LARGE1: variants seen among roughly 807,000 people sequenced by gnomAD.
LARGE1 encodes the protein xylosyl- and glucuronyltransferase LARGE1.
Under a neutral mutation model 87.6 loss-of-function variants are expected in LARGE1, and 43 were observed. That is an observed-to-expected ratio of 0.49 (90% confidence interval 0.38 to 0.63). The LOEUF is 0.63. Ranked by LOEUF, LARGE1 falls within the 30% of genes least tolerant of loss-of-function variation. LARGE1 has a pLI of 0.00. For synonymous variants in LARGE1, 434 were observed against 394.6 expected, an observed-to-expected ratio of 1.10 and a Z score of -1.18; for missense variants, 802 against 1,000.2, an observed-to-expected ratio of 0.80 and a Z score of 2.67.
At chr22:33,428,046 C>T (rs955302193) in intron 7 of LARGE1, among the ~76,000 whole-genome samples, 2 of 152,164 alleles carry the variant, frequency 1.3e-5, no homozygotes, top group Admixed American at 6.5e-5. Flanking sequence ...GGAAAAACTG[C>T]TAGGTAGCTG....
At chr22:33,840,541 T>C (rs1420675083) in intron 1 of LARGE1, among the ~76,000 whole-genome samples, 1 of 152,186 alleles carries the variant, frequency 6.6e-6, no homozygotes, top group Non-Finnish European at 1.5e-5. Context: ...CATCTTTTCT[T>C]GCAAATATCT....
At chr22:33,442,941 C>T (rs760095059) in intron 6 of LARGE1, among the ~76,000 whole-genome samples, 3 of 152,024 alleles carry the variant, frequency 2.0e-5, no homozygotes, top group Non-Finnish European at 2.9e-5. Context: ...TACAGGCGCC[C>T]GCACCACATC....
chr22:33,908,997 T>C (rs1210546198), intron 1 of LARGE1, among the ~76,000 whole-genome samples: 1 of 152,138 alleles, frequency 6.6e-6, no homozygotes, highest in African/African-American at 2.4e-5. Context: ...TTATACCCCT[T>C]ATTGGGTGCC....
intron 1 of LARGE1, among the ~76,000 whole-genome samples, chr22:33,876,463 AC>A (rs2064470016): frequency 6.6e-6 from 1 of 152,050 alleles, no homozygotes; most frequent in South Asian, 2.1e-4. Context: ...GTGAAAATTC[AC>A]CAAGCTGCAC....
At chr22:33,299,009 G>C (rs1310219674) in intron 12 of LARGE1, among the ~76,000 whole-genome samples, 1 of 152,050 alleles carries the variant, frequency 6.6e-6, no homozygotes, top group African/African-American at 2.4e-5. Flanking sequence ...AGGAGTTCAA[G>C]ACCAGCCTGG....
At chr22:33,419,705 T>A (rs1730202063) in intron 7 of LARGE1, among the ~76,000 whole-genome samples, 1 of 152,134 alleles carries the variant, frequency 6.6e-6, no homozygotes, top group Non-Finnish European at 1.5e-5. Context: ...TGTTTGTTTG[T>A]TTTGAGATGG....
At chr22:33,918,149 GA>G (rs1263478362) in intron 1 of LARGE1, among the ~76,000 whole-genome samples, 3 of 152,056 alleles carry the variant, frequency 2.0e-5, no homozygotes, top group African/African-American at 7.2e-5. Flanking sequence ...ATGATGAGAT[GA>G]AAAAAACCTT....
At chr22:33,525,312 G>A (rs920948934) in intron 6 of LARGE1, among the ~76,000 whole-genome samples, 28 of 152,098 alleles carry the variant, frequency 1.8e-4, no homozygotes, top group Non-Finnish European at 3.8e-4. Context: ...ACCACCCCAG[G>A]CCCATAGTAC....
At chr22:33,382,341 C>T (rs186569878) in intron 8 of LARGE1, among the ~76,000 whole-genome samples, 17 of 152,240 alleles carry the variant, frequency 1.1e-4, no homozygotes, top group Admixed American at 1.0e-3. Flanking sequence ...TCTTCCCTAC[C>T]CTCACTGGCA....
intron 1 of LARGE1, among the ~76,000 whole-genome samples, chr22:33,774,462 T>G (rs1446308161): frequency 6.6e-6 from 1 of 152,112 alleles, no homozygotes; most frequent in Non-Finnish European, 1.5e-5. Flanking sequence ...GTTGAAGCAA[T>G]TCTCCTGACT....
chr22:33,543,518 G>A (rs2077270670), intron 6 of LARGE1, among the ~76,000 whole-genome samples: 1 of 152,134 alleles, frequency 6.6e-6, no homozygotes, highest in Non-Finnish European at 1.5e-5. Flanking sequence ...CAATAAGGAG[G>A]CTCTGACAAT....
chr22:33,825,058 C>T (rs1302639419), intron 1 of LARGE1, among the ~76,000 whole-genome samples: 7 of 152,124 alleles, frequency 4.6e-5, no homozygotes, highest in Non-Finnish European at 1.0e-4. Context: ...TCTTAAAATG[C>T]TATGATTTGT....
intron 1 of LARGE1, among the ~76,000 whole-genome samples, chr22:33,806,661 C>A (rs536596712): frequency 6.6e-6 from 1 of 152,232 alleles, no homozygotes; most frequent in African/African-American, 2.4e-5. Context: ...CTCAGTGATG[C>A]AATGATGCCA....
At chr22:33,421,808 G>A (rs1019097079) in intron 7 of LARGE1, among the ~76,000 whole-genome samples, 1 of 152,206 alleles carries the variant, frequency 6.6e-6, no homozygotes, top group African/African-American at 2.4e-5. Flanking sequence ...AGAAGGCATT[G>A]TCTGCTTTCT....
chr22:33,729,475 C>T (rs2083384958), intron 2 of LARGE1, among the ~76,000 whole-genome samples: 1 of 152,190 alleles, frequency 6.6e-6, no homozygotes, highest in African/African-American at 2.4e-5. Context: ...AATTTACTTG[C>T]TGTGCTCAAT....
chr22:33,309,916 T>C (rs1274905227), intron 11 of LARGE1, among the ~76,000 whole-genome samples: 1 of 152,192 alleles, frequency 6.6e-6, no homozygotes, highest in Non-Finnish European at 1.5e-5. Context: ...CTGTTCCACA[T>C]GTAACAAGAA....
chr22:33,431,529 C>A (rs1227836656), intron 7 of LARGE1, among the ~76,000 whole-genome samples: 2 of 152,078 alleles, frequency 1.3e-5, no homozygotes, highest in Non-Finnish European at 2.9e-5. Context: ...TGCTGATTAG[C>A]AAATATATCT....
At chr22:33,774,565 C>T (rs1411344913) in intron 1 of LARGE1, among the ~76,000 whole-genome samples, 2 of 152,092 alleles carry the variant, frequency 1.3e-5, no homozygotes, top group African/African-American at 2.4e-5. Context: ...ACCATGTTGG[C>T]CAGGCTGGTC....
chr22:33,324,346 T>C (rs1937057685), intron 10 of LARGE1, among the ~76,000 whole-genome samples: 1 of 139,992 alleles, frequency 7.1e-6, no homozygotes, highest in Non-Finnish European at 1.5e-5. Context: ...ACCTGCCTCC[T>C]TTTCACCCAG....
Sources: allele counts gnomAD v4.1 joint callset (sites outside exome capture counted in the v4.1 genomes callset), GRCh38; gene constraint gnomAD v4.1.1; transcripts MANE v1.5; gene names NCBI Gene and HGNC (gene_info 2026-07-23, HGNC 2026-07-21).